PON3: variants seen among roughly 807,000 people sequenced by gnomAD.
PON3 encodes the protein paraoxonase 3.
A neutral mutation model predicts 36.3 loss-of-function variants in PON3; 37 were observed. The observed-to-expected ratio is 1.02, with a 90% CI of 0.78 to 1.34. The LOEUF (loss-of-function observed/expected upper bound fraction) is 1.34. Among genes scored for constraint, PON3 ranks in the 40% most tolerant of loss-of-function variants. PON3 has a pLI of 0.00. For synonymous variants in PON3, 155 were observed against 154.8 expected (o/e 1.00, Z -0.01); for missense variants, 415 against 426.5 (o/e 0.97, Z 0.24).
rs1456552580 is a variant in PON3 at position 95,381,056 on chromosome 7, T to C, written c.202-8718A>G. 2.6e-5 allele frequency among the ~76,000 whole-genome samples: 4 copies of C among 152,250 alleles called. No homozygotes were observed. The East Asian group carries it at 7.7e-4, about 29-fold the overall frequency. ...GGGTGGGGGCCAATATTCAACGATATTAAAGAAAAGAATTTTCAACCCAGA... is the reference window on the plus strand; with the variant it reads ...GGGTGGGGGCCAATATTCAACGATACTAAAGAAAAGAATTTTCAACCCAGA... On this transcript the variant is annotated intron_variant, in intron 3 of 8. Transcript: ENST00000265627.
intron 8 of PON3, among the ~76,000 whole-genome samples, chr7:95,361,682 T>C (rs1252011491): frequency 6.6e-6 from 1 of 152,208 alleles, no homozygotes; most frequent in Non-Finnish European, 1.5e-5. Context: ...TCTGACACAT[T>C]ACAGGTACTC....
intron 2 of PON3, among the ~76,000 whole-genome samples, chr7:95,390,660 G>A (rs1477216805): frequency 6.6e-6 from 1 of 152,046 alleles, no homozygotes; most frequent in Admixed American, 6.6e-5. Flanking sequence ...AGCCTAAAAC[G>A]CTACATTATA....
At chr7:95,364,099 A>C in intron 5 of PON3, 36 bp from the exon 6 acceptor site, 1 of 1,514,358 alleles carries the variant, frequency 6.6e-7, no homozygotes, top group Non-Finnish European at 9.2e-7. Context: ...GAGACCCATG[A>C]GGTATTTAAA....
chr7:95,383,860 G>A (rs1809121257), intron 3 of PON3, among the ~76,000 whole-genome samples: 1 of 152,136 alleles, frequency 6.6e-6, no homozygotes, highest in Admixed American at 6.5e-5. Context: ...CTACTTTAAA[G>A]TTCATGTGGA....
At chr7:95,383,106 T>G (rs1809099686) in intron 3 of PON3, among the ~76,000 whole-genome samples, 1 of 152,134 alleles carries the variant, frequency 6.6e-6, no homozygotes, top group Non-Finnish European at 1.5e-5. Context: ...AAAAACCACA[T>G]GATTATCTCA....
intron 3 of PON3, among the ~76,000 whole-genome samples, chr7:95,382,069 C>T (rs1480934428): frequency 5.9e-5 from 9 of 152,212 alleles, no homozygotes. Flanking sequence ...CACTGAGCTA[C>T]ATGGAAACTG....
chr7:95,369,518 T>C lies in PON3; in HGVS notation c.368-2030A>G, dbSNP rs191862991. 1.2e-3 allele frequency among the ~76,000 whole-genome samples: 190 copies of C among 152,288 alleles called. 1 individual carries two copies. Among genetic ancestry groups the C allele is most frequent in the African/African-American group, 4.2e-3 (173 of 41,558 alleles). On this transcript the variant is annotated intron_variant, in intron 4 of 8. Transcript: ENST00000265627. Reference sequence around the variant, plus strand: ...GGCTGGGAGTGGTGGCTTACACCTGTAATCCTAACACTTTGGGAGGCCAAG... The same window carrying C: ...GGCTGGGAGTGGTGGCTTACACCTGCAATCCTAACACTTTGGGAGGCCAAG...
intron 3 of PON3, 116 bp from the exon 4 acceptor site, chr7:95,372,454 A>AAC: frequency 8.5e-7 from 1 of 1,170,802 alleles, no homozygotes; most frequent in Non-Finnish European, 1.2e-6. Context: ...TTTCATTTAG[A>AAC]TTACTGGGCT....
At chr7:95,395,321 T>C (rs911041395) in intron 1 of PON3, among the ~76,000 whole-genome samples, 1 of 152,254 alleles carries the variant, frequency 6.6e-6, no homozygotes, top group Admixed American at 6.5e-5. Flanking sequence ...CACATTCTTC[T>C]AATATCAGGG....
chr7:95,388,362 AG>A (rs1247500333), intron 3 of PON3, among the ~76,000 whole-genome samples: 3 of 152,244 alleles, frequency 2.0e-5, no homozygotes, highest in Admixed American at 2.0e-4. Flanking sequence ...TGGTCATCAG[AG>A]AAATGTAAAT....
chr7:95,362,480 AACTGTATC>A lies in PON3; in HGVS notation c.780_787del (p.Ile261GlyfsTer6). On this transcript the variant is annotated frameshift_variant and splice_region_variant, in exon 8 of 9. Coordinates refer to ENST00000265627, the MANE Select transcript of PON3 (RefSeq NM_000940.3). LOFTEE classifies it high-confidence loss of function. ...AGTCAGGTTATCCACTAAGGTGCCC[AACTGTATC>A]ACCTTACAACAAAGAGGGAGTAGTG... 6.2e-7 allele frequency: 1 copy of A among 1,613,756 alleles called. No homozygotes were observed. Among genetic ancestry groups the A allele is most frequent in the African/African-American group, 1.3e-5 (1 of 75,050 alleles).
Position 95,360,020 on chromosome 7 carries a change from T to A in PON3, c.1018A>T (p.Ile340Phe), listed in dbSNP as rs1563611607. 1.9e-6 allele frequency: 3 copies of A among 1,613,590 alleles called. No individual in the cohort carries two copies. The highest frequency in any genetic ancestry group is 2.5e-6 in the Non-Finnish European group (3 of 1,179,818). ...TSVASVYHGK[I>F]LIGTVFHKTL... Reference sequence around the variant, plus strand: ...TTGTGAAATACGGTGCCTATGAGAATTTTCCCATGGTACACAGAAGCCACA... The same window carrying A: ...TTGTGAAATACGGTGCCTATGAGAAATTTCCCATGGTACACAGAAGCCACA... The change falls in exon 9 of 9, where the codon ATT (isoleucine) becomes TTT (phenylalanine). Residue 340 changes from isoleucine to phenylalanine, a missense_variant. Transcript: ENST00000265627.
intron 5 of PON3, chr7:95,365,740 T>C (rs1324876078): frequency 6.6e-6 from 1 of 152,210 alleles, no homozygotes; most frequent in Non-Finnish European, 1.5e-5. Context: ...ATGTTATCTC[T>C]GAAGGTTCTA....
At chr7:95,396,034 G>C in intron 1 of PON3, 1 of 559,732 alleles carries the variant, frequency 1.8e-6, no homozygotes, top group Non-Finnish European at 3.2e-6. Flanking sequence ...AGAAAGCAAA[G>C]TGGGGGATCA....
At chr7:95,363,816 C>G (rs575064885) in intron 6 of PON3, 47 bp downstream of exon 6, 1 of 1,566,560 alleles carries the variant, frequency 6.4e-7, no homozygotes, top group Admixed American at 1.7e-5. Context: ...AAGGAGTCCA[C>G]GAAAATGTCA....
rs181712664 is a variant in PON3, at chr7:95,366,980, A to G, written c.494+382T>C. ...GAAGTGGCTCATCTGGAGGTTGGTT[A>G]TAACACCCAGTGGGTGAGGCTCACA... On this transcript the variant is annotated intron_variant, in intron 5 of 8. Transcript: ENST00000265627. Among the ~76,000 whole-genome samples the G allele has an allele frequency of 2.2e-4, 34 of 152,364 alleles. 1 individual carries two copies. The East Asian group carries it at 6.0e-3, about 27-fold the overall frequency.
chr7:95,366,628 C>T (rs1382633952), intron 5 of PON3, among the ~76,000 whole-genome samples: 1 of 152,190 alleles, frequency 6.6e-6, no homozygotes, highest in Non-Finnish European at 1.5e-5. Flanking sequence ...AAACAGGCAG[C>T]CTCTCCACTG....
At chr7:95,396,040 G>T (rs1477166385) in intron 1 of PON3, 6 of 572,880 alleles carry the variant, frequency 1.0e-5, no homozygotes, top group Middle Eastern at 4.1e-4. Context: ...CAAAGTGGGG[G>T]ATCATAACCT....
chr7:95,383,902 C>G (rs1585730381), intron 3 of PON3, among the ~76,000 whole-genome samples: 1 of 152,232 alleles, frequency 6.6e-6, no homozygotes, highest in Non-Finnish European at 1.5e-5. Context: ...CCAAGTCAAC[C>G]CTAAGCTAAG....
Sources: gnomAD v4.1 joint callset for allele counts (sites outside exome capture counted in the v4.1 genomes callset) on GRCh38, gnomAD v4.1.1 for gene constraint, MANE v1.5 for transcripts, NCBI Gene and HGNC (gene_info 2026-07-23, HGNC 2026-07-21) for gene names.